POC1B: variants seen among roughly 807,000 people sequenced by gnomAD.
POC1B encodes the protein POC1 centriolar protein homolog B.
Under a neutral mutation model 60.6 loss-of-function variants are expected in POC1B, and 44 were observed. That is an observed-to-expected ratio of 0.73 (90% confidence interval 0.57 to 0.93). POC1B has a LOEUF of 0.93. Ranked by LOEUF, POC1B falls within the 40% of genes least tolerant of loss-of-function variation. POC1B has a pLI of 0.00. For missense variants in POC1B, 555 were observed against 572.3 expected (o/e 0.97, Z 0.31); for synonymous variants, 180 against 198.9 (o/e 0.90, Z 0.80).
chr12:89,523,017 A>AT, intron 2 of POC1B: 1 of 1,613,774 alleles, frequency 6.2e-7, no homozygotes, highest in Non-Finnish European at 8.5e-7. Flanking sequence ...TTCCCACATA[A>AT]TTTTTTTGCT....
In POC1B at chr12:89,497,294, T is replaced by C. The variant is rs773630909; in HGVS notation, c.149A>G (p.His50Arg). ...ACCCACATATCTGTAAGCTCTAGCA[T>C]GTGGCTTGAAATTCCATAGCATGAG... ...TFLMLWNFKP[H>R]ARAYRYVGHK... The change falls in exon 3 of 12, where the codon CAT becomes CGT. Residue 50 changes from histidine (H) to arginine (R), a missense_variant. His to Arg is a conservative substitution (Grantham distance 29). Transcript: ENST00000313546. 2 of 1,612,994 alleles carry C rather than the reference T, an allele frequency of 1.2e-6. No individual in the cohort carries two copies. Among genetic ancestry groups the C allele is most frequent in the East Asian group, 2.2e-5 (1 of 44,884 alleles).
chr12:89,513,684 T>C (rs1870297433), intron 2 of POC1B, among the ~76,000 whole-genome samples: 14 of 152,154 alleles, frequency 9.2e-5, no homozygotes, highest in Admixed American at 9.2e-4. Flanking sequence ...ACCCCCAGGC[T>C]GCGAACTGGT....
intron 4 of POC1B, among the ~76,000 whole-genome samples, chr12:89,478,386 T>G (rs994434509): frequency 6.6e-6 from 1 of 152,146 alleles, no homozygotes; most frequent in Non-Finnish European, 1.5e-5. Flanking sequence ...CCCAAAGTGT[T>G]AGGATTACAG....
At chr12:89,467,707 A>G (rs1592606704) in intron 7 of POC1B, 22 bp from the exon 8 acceptor site, 2 of 1,577,222 alleles carry the variant, frequency 1.3e-6, no homozygotes, top group Admixed American at 3.4e-5. Context: ...AGGGAAATAA[A>G]GAAAAAAAGT....
intron 10 of POC1B, among the ~76,000 whole-genome samples, chr12:89,443,447 A>T (rs1324173719): frequency 2.6e-5 from 4 of 152,048 alleles, no homozygotes; most frequent in Admixed American, 6.6e-5. Context: ...GGATTAAGAA[A>T]CTCACTCAAA....
chr12:89,436,287 A>C (rs1881261745), intron 10 of POC1B, among the ~76,000 whole-genome samples: 1 of 152,202 alleles, frequency 6.6e-6, no homozygotes, highest in Admixed American at 6.5e-5. Context: ...TGATACCACT[A>C]AAGCATGTCA....
intron 2 of POC1B, chr12:89,522,486 G>C: frequency 2.9e-6 from 1 of 346,760 alleles, no homozygotes; most frequent in Non-Finnish European, 5.1e-6. Flanking sequence ...CATTTTACTT[G>C]GACCTTTACA....
At chr12:89,515,736 C>A (rs1019696676) in intron 2 of POC1B, among the ~76,000 whole-genome samples, 16 of 152,202 alleles carry the variant, frequency 1.1e-4, no homozygotes, top group Admixed American at 9.2e-4. Context: ...GGACAACTTG[C>A]TTTCCTTATG....
At chr12:89,491,915 T>C in intron 4 of POC1B, 21 bp downstream of exon 4, 1 of 1,463,904 alleles carries the variant, frequency 6.8e-7, no homozygotes, top group Non-Finnish European at 9.1e-7. Context: ...GACATCTTAA[T>C]ATGAAATTTT....
intron 10 of POC1B, among the ~76,000 whole-genome samples, chr12:89,445,775 A>C (rs1881755982): frequency 1.3e-5 from 2 of 152,214 alleles, no homozygotes; most frequent in Admixed American, 6.5e-5. Flanking sequence ...ATTAAACTAA[A>C]AAGCTTCTGC....
At chr12:89,432,201 C>T (rs566544921) in intron 10 of POC1B, among the ~76,000 whole-genome samples, 6 of 151,560 alleles carry the variant, frequency 4.0e-5, no homozygotes, top group South Asian at 2.1e-4. Flanking sequence ...CTGGGCAACA[C>T]GGTGAAACCC....
chr12:89,437,826 T>C (rs1211795040), intron 10 of POC1B, among the ~76,000 whole-genome samples: 1 of 151,476 alleles, frequency 6.6e-6, no homozygotes, highest in African/African-American at 2.4e-5. Flanking sequence ...GACGGGTGGA[T>C]CACCTGAGGT....
chr12:89,407,098 G>C, the POC1B span, among the ~76,000 whole-genome samples: 15 of 120,236 alleles, frequency 1.2e-4, no homozygotes, highest in Admixed American at 2.3e-4. Flanking sequence ...GCAGTGAGCA[G>C]AGATCATGCC....
chr12:89,426,838 A>AT (rs1880786609), intron 10 of POC1B: 1 of 151,996 alleles, frequency 6.6e-6, no homozygotes, highest in Non-Finnish European at 1.5e-5. Flanking sequence ...AAAAAAAAAA[A>AT]GAAATGTAAG....
the POC1B span, among the ~76,000 whole-genome samples, chr12:89,403,407 T>C: frequency 6.6e-6 from 1 of 152,172 alleles, no homozygotes; most frequent in Non-Finnish European, 1.5e-5. Context: ...TGGTACTCTC[T>C]GAAATCAACC....
intron 2 of POC1B, chr12:89,500,491 G>C: frequency 6.3e-7 from 1 of 1,594,290 alleles, no homozygotes; most frequent in Non-Finnish European, 8.6e-7. Context: ...CACCTGACTT[G>C]AAAAAAATGT....
chr12:89,505,094 TCCA>T (rs764892127), intron 2 of POC1B, among the ~76,000 whole-genome samples: 1 of 152,134 alleles, frequency 6.6e-6, no homozygotes, highest in Non-Finnish European at 1.5e-5. Context: ...TGTGCTCAAT[TCCA>T]TTAGTCATCA....
intron 2 of POC1B, chr12:89,521,098 A>ATTTTT (rs201411448): frequency 7.9e-5 from 9 of 113,246 alleles, no homozygotes; most frequent in East Asian, 3.0e-4. Context: ...CAGCTCACTT[A>ATTTTT]TTTTATTATT....
chr12:89,425,669 A>G (rs570515707), intron 10 of POC1B: 7 of 216,482 alleles, frequency 3.2e-5, no homozygotes, highest in Admixed American at 5.2e-5. Context: ...AGATTGTTAG[A>G]TGCAGTTTAA....
Sources: allele counts gnomAD v4.1 joint callset (sites outside exome capture counted in the v4.1 genomes callset), GRCh38; gene constraint gnomAD v4.1.1; transcripts MANE v1.5; gene names NCBI Gene and HGNC (gene_info 2026-07-23, HGNC 2026-07-21).